The following NANOGNB variants were observed in gnomAD, a reference collection of about 807,000 sequenced individuals.
NANOGNB encodes NANOG neighbor homeobox, also known as homeobox C14.
A neutral mutation model predicts 25.0 loss-of-function variants in NANOGNB; 30 were observed. The ratio of observed to expected loss-of-function variants is 1.20; its 90% confidence interval spans 0.90 to 1.63. The LOEUF (loss-of-function observed/expected upper bound fraction) is 1.63. NANOGNB is among the 40% of genes most tolerant of loss of function. The probability of loss-of-function intolerance (pLI) is 0.00; values close to 1 mark genes in which losing one functional copy is unlikely to be tolerated. For synonymous variants in NANOGNB, 84 were observed against 62.1 expected (o/e 1.35, Z -1.66); for missense variants, 200 against 188.1 (o/e 1.06, Z -0.37).
chr12:7,773,118 T>TA (rs1862599407), intron 3 of NANOGNB, among the ~76,000 whole-genome samples: 1 of 102,976 alleles, frequency 9.7e-6, no homozygotes, highest in Non-Finnish European at 1.9e-5. Flanking sequence ...CCAACTGTGA[T>TA]AGTTTTTTTT....
At chr12:7,768,181 C>A (rs1307978890) in intron 1 of NANOGNB, among the ~76,000 whole-genome samples, 1 of 152,080 alleles carries the variant, frequency 6.6e-6, no homozygotes, top group Non-Finnish European at 1.5e-5. Flanking sequence ...TCTTTTTCTG[C>A]CTCTATTGAG....
Position 7,765,569 on chromosome 12 carries a change from C to CAAAAAAAAA in NANOGNB, c.102+194_102+202dup, listed in dbSNP as rs1187331161. Reference sequence around the variant, plus strand: ...TGGGCGACAGAGTGAGACTCCGTCTCAAAAAAAAAAAAAAAAAAAAGAAGT... The same window carrying CAAAAAAAAA: ...TGGGCGACAGAGTGAGACTCCGTCTCAAAAAAAAAAAAAAAAAAAAAAAAAAAAAGAAGT... On this transcript the variant is annotated intron_variant, in intron 1 of 3. Transcript: ENST00000382119. Among the ~76,000 whole-genome samples the CAAAAAAAAA allele has an allele frequency of 1.9e-3, 92 of 48,652 alleles. 2 individuals carry two copies. Among genetic ancestry groups the CAAAAAAAAA allele is most frequent in the Non-Finnish European group, 3.1e-3 (69 of 22,350 alleles). 31.9% of individuals were successfully genotyped at this position (48,652 alleles called of 152,430 possible).
rs1348135869 is a variant in NANOGNB, at chr12:7,770,131, A to C, written c.251A>C (p.Glu84Ala). The change falls in exon 2 of 4, where the codon GAG becomes GCG. Residue 84 changes from glutamate (E) to alanine (A), a missense_variant. By Grantham distance (107) the Glu-to-Ala change is moderately radical. Transcript: ENST00000382119. ...EREKEEKNEKELQDEQENKRK... is the reference protein window; with the variant it reads ...EREKEEKNEKALQDEQENKRK... The stretch of plus-strand genomic sequence containing the variant: ...GAAAAAGAAGAAAAAAACGAAAAGG[A>C]GCTGCAAGATGAACAGGAAAACAAA... 1 of 1,543,618 alleles carries C rather than the reference A, an allele frequency of 6.5e-7. No homozygotes were observed. The highest frequency in any genetic ancestry group is 2.4e-5 in the East Asian group (1 of 40,856).
chr12:7,769,870 A>G, intron 1 of NANOGNB, 113 bp from the exon 2 acceptor site: 1 of 853,954 alleles, frequency 1.2e-6, no homozygotes, highest in Non-Finnish European at 1.8e-6. Context: ...CCAATGTACA[A>G]CATTGCTAAT....
chr12:7,768,778 C>T (rs928929832), intron 1 of NANOGNB, among the ~76,000 whole-genome samples: 1 of 152,024 alleles, frequency 6.6e-6, no homozygotes, highest in Non-Finnish European at 1.5e-5. Context: ...GTGATCTGCC[C>T]GCCTCAGCCT....
intron 1 of NANOGNB, chr12:7,766,240 C>G (rs190835626): frequency 7.5e-6 from 3 of 397,962 alleles, no homozygotes; most frequent in Non-Finnish European, 8.9e-6. Flanking sequence ...GGAGGCCAAG[C>G]GGGGCAGATC....
chr12:7,770,501 T>A lies in NANOGNB; in HGVS notation c.498T>A (p.His166Gln). ...KYNKEMSKRK[H>Q]KKKHMRWRSL... is the part of the protein sequence containing the mutation. Reference sequence around the variant, plus strand: ...ATAAAGAAATGTCCAAGAGAAAGCATAAGAAAAAACATATGAGGTAAGAAA... The same window carrying A: ...ATAAAGAAATGTCCAAGAGAAAGCAAAAGAAAAAACATATGAGGTAAGAAA... Residue 166 changes from histidine (H) to glutamine (Q), a missense_variant, in exon 3 of 4, where the codon CAT becomes CAA. Transcript: ENST00000382119. The A allele has an allele frequency of 4.0e-6, 6 of 1,503,624 alleles. No individual in the cohort carries two copies. Among genetic ancestry groups the A allele is most frequent in the Non-Finnish European group, 5.4e-6 (6 of 1,108,166 alleles). 93.1% of individuals were successfully genotyped at this position (1,503,624 alleles called of 1,614,324 possible).
chr12:7,767,285 A>G (rs1865254098), intron 1 of NANOGNB, among the ~76,000 whole-genome samples: 1 of 152,242 alleles, frequency 6.6e-6, no homozygotes, highest in South Asian at 2.1e-4. Flanking sequence ...GAACACATAC[A>G]GAGAACTCTT....
chr12:7,773,546 CAAAAAAAAAAAAAAAAAAAA>C (rs869038102), intron 3 of NANOGNB, among the ~76,000 whole-genome samples: 1 of 15,444 alleles, frequency 6.5e-5, no homozygotes, highest in Non-Finnish European at 9.7e-5. Flanking sequence ...ACTAAAAATA[CAAAAAAAAAAAAAAAAAAAA>C]AAAAAAAAAA....
chr12:7,769,871 C>T lies in NANOGNB; in HGVS notation c.103-112C>T, dbSNP rs1009250969. 2.1e-5 allele frequency: 18 copies of T among 858,546 alleles called. No homozygotes were observed. The Admixed American group carries it at 2.8e-4, about 13-fold the overall frequency. 53.2% of individuals were successfully genotyped at this position (858,546 alleles called of 1,614,324 possible). A position where few individuals can be genotyped will look rare whatever the true frequency, so the allele number is the denominator to read the frequency against. ...CTCTATGTTTTCCACCAATGTACAA[C>T]ATTGCTAATTTAGAAAAATCAAATA... is the stretch of plus-strand genomic sequence containing the variant. On this transcript the variant is annotated intron_variant, in intron 1 of 3. Transcript: ENST00000382119.
Position 7,771,867 on chromosome 12 carries a change from C to T in NANOGNB, c.515+1349C>T, listed in dbSNP as rs1433959025. On this transcript the variant is annotated intron_variant, in intron 3 of 3. Coordinates refer to ENST00000382119, the MANE Select transcript of NANOGNB (RefSeq NM_001145465.1). Reference sequence around the variant, plus strand: ...AACTCCTAATCTCAGATGGTCCGCCCGCCTCGGCCTCCCAAAGTGCTGGGA... The same window carrying T: ...AACTCCTAATCTCAGATGGTCCGCCTGCCTCGGCCTCCCAAAGTGCTGGGA... Among the ~76,000 whole-genome samples the T allele has an allele frequency of 2.6e-5, 4 of 151,524 alleles. No homozygotes were observed. The East Asian group carries it at 5.9e-4, about 22-fold the overall frequency.
intron 3 of NANOGNB, among the ~76,000 whole-genome samples, chr12:7,772,876 C>G (rs925075952): frequency 1.3e-5 from 2 of 152,114 alleles, no homozygotes; most frequent in African/African-American, 4.8e-5. Context: ...CTGCACCCAT[C>G]TGGGCTCTTT....
chr12:7,773,877 G>T lies in NANOGNB; in HGVS notation c.*26G>T. The T allele has an allele frequency of 1.6e-6, 1 of 611,098 alleles. No homozygotes were observed. 37.9% of individuals were successfully genotyped at this position (611,098 alleles called of 1,614,324 possible). ...TCTTCCTATTTTGGCCTCCAGAAAT[G>T]CTGTGATTACAAGCATGAGCCATCG... On this transcript the variant is annotated 3_prime_UTR_variant, in exon 4 of 4. Transcript: ENST00000382119.
intron 1 of NANOGNB, among the ~76,000 whole-genome samples, chr12:7,768,723 C>G (rs942375900): frequency 6.6e-6 from 1 of 151,834 alleles, no homozygotes; most frequent in Admixed American, 6.6e-5. Flanking sequence ...TAGTAGAGAC[C>G]GGGTTTCACT....
Position 7,770,510 on chromosome 12 carries a change from AC to A in NANOGNB, c.508del (p.His170IlefsTer2). The A allele has an allele frequency of 6.8e-7, 1 of 1,474,506 alleles. No homozygotes were observed. Among genetic ancestry groups the A allele is most frequent in the African/African-American group, 1.4e-5 (1 of 71,074 alleles). 91.3% of individuals were successfully genotyped at this position (1,474,506 alleles called of 1,614,324 possible). On this transcript the variant is annotated frameshift_variant, in exon 3 of 4. Transcript: ENST00000382119. LOFTEE classifies it high-confidence loss of function. ...EMSKRKHKKK[H>X]MRWRSLCCQG... ...TGTCCAAGAGAAAGCATAAGAAAAA[AC>A]ATATGAGGTAAGAAAGTGTTTCTTG...
intron 3 of NANOGNB, among the ~76,000 whole-genome samples, chr12:7,773,432 G>T (rs1862604105): frequency 6.6e-6 from 1 of 151,358 alleles, no homozygotes; most frequent in African/African-American, 2.4e-5. Context: ...CTGGGTGCGT[G>T]GCTCATGCCT....
At chr12:7,769,611 C>T (rs1023847594) in intron 1 of NANOGNB, among the ~76,000 whole-genome samples, 1 of 152,122 alleles carries the variant, frequency 6.6e-6, no homozygotes, top group African/African-American at 2.4e-5. Flanking sequence ...GCGTGAGCCA[C>T]CACCTCCCGG....
At chr12:7,773,137 T>TC (rs397776682) in intron 3 of NANOGNB, among the ~76,000 whole-genome samples, 27 of 150,504 alleles carry the variant, frequency 1.8e-4, no homozygotes, top group South Asian at 1.3e-3. Context: ...TTTTTTTTTT[T>TC]CAAAGATGGG....
Position 7,765,297 on chromosome 12 carries a change from G to A in NANOGNB, c.12G>A (p.Ala4=), listed in dbSNP as rs1162145398. 5.5e-6 allele frequency: 7 copies of A among 1,275,864 alleles called. No individual in the cohort carries two copies. Among genetic ancestry groups the A allele is most frequent in the African/African-American group, 3.1e-5 (2 of 65,322 alleles). 79.0% of individuals were successfully genotyped at this position (1,275,864 alleles called of 1,614,324 possible). Reference sequence around the variant, plus strand: ...TTTAAAACTCCTCAATGCACCGGGCGCGGTGGCTCACGCCTGTAATCCCAG... The same window carrying A: ...TTTAAAACTCCTCAATGCACCGGGCACGGTGGCTCACGCCTGTAATCCCAG... MHR[A]RWLTPVIPAL... Residue 4 remains alanine, a synonymous_variant, in exon 1 of 4, where the codon GCG becomes GCA. Transcript: ENST00000382119.
Sources: allele counts gnomAD v4.1 joint callset (sites outside exome capture counted in the v4.1 genomes callset), GRCh38; gene constraint gnomAD v4.1.1; transcripts MANE v1.5; gene names NCBI Gene and HGNC (gene_info 2026-07-23, HGNC 2026-07-21).